PRKD2: variants seen among roughly 807,000 people sequenced by gnomAD.
PRKD2 encodes protein kinase D2, also known as serine/threonine-protein kinase D2.
PRKD2 carries 22 observed loss-of-function variants against 86.0 expected under a neutral mutation model. The observed-to-expected ratio is 0.26, with a 90% confidence interval of 0.18 to 0.37. The LOEUF (loss-of-function observed/expected upper bound fraction) is 0.37, where lower values mean the gene tolerates loss of function less well. Ranked by LOEUF, PRKD2 falls within the 10% of genes least tolerant of loss-of-function variation. The pLI, the probability that PRKD2 is intolerant of heterozygous loss-of-function variation, is 1.00. For synonymous variants in PRKD2, 509 were observed against 510.9 expected, an observed-to-expected ratio of 1.00 and a Z score of 0.05; for missense variants, 818 against 1,199.2, an observed-to-expected ratio of 0.68 and a Z score of 4.70.
At chr19:46,709,023 C>T (rs2053762889) in intron 3 of PRKD2, among the ~76,000 whole-genome samples, 1 of 140,348 alleles carries the variant, frequency 7.1e-6, no homozygotes, top group Non-Finnish European at 1.5e-5. Context: ...TGTTGCCAGG[C>T]TGGAGTGCAG....
In PRKD2 at chr19:46,685,012, G is replaced by A. The variant is rs192641821; in HGVS notation, c.1972-3264C>T. On this transcript the variant is annotated intron_variant, in intron 14 of 17. Coordinates refer to ENST00000291281, the MANE Select transcript of PRKD2 (RefSeq NM_016457.5). ...ATGGTGGCTCACGCCTGTAATCCCA[G>A]CATTTTGGGAGGCTGAGGCGGGTGG... 3.5e-3 allele frequency among the ~76,000 whole-genome samples: 523 copies of A among 150,028 alleles called. 1 individual carries two copies. The highest frequency in any genetic ancestry group is 0.012 in the African/African-American group (503 of 40,766).
At position 46,681,646 on chromosome 19, in the gene PRKD2, T is replaced by G; in HGVS notation, c.2070+4A>C. The G allele has an allele frequency of 7.7e-7, 1 of 1,294,000 alleles. No individual in the cohort carries two copies. The highest frequency in any genetic ancestry group is 1.0e-6 in the Non-Finnish European group (1 of 969,198). The allele number at this position is 1,294,000 out of a possible 1,614,324, so 80.2% of individuals were successfully genotyped here. On this transcript the variant is annotated splice_donor_region_variant and intron_variant, in intron 15 of 17. Transcript: ENST00000291281. ...TCCCCAAATCAGGAGGGGACATAAC[T>G]GACCTGAGGAAATGGGTCTGCTGAT...
At chr19:46,701,979 C>T (rs1046290744) in intron 5 of PRKD2, among the ~76,000 whole-genome samples, 1 of 150,644 alleles carries the variant, frequency 6.6e-6, no homozygotes, top group African/African-American at 2.4e-5. Context: ...CACTATACAT[C>T]GAAGATTCTA....
In PRKD2 at chr19:46,678,713, A is replaced by C. The variant is rs2053250617; in HGVS notation, c.2071-50T>G. Reference sequence around the variant, plus strand: ...TCCACCAGGTGATGGAGCCGCACCCACCCCAGCATCCCCACCACACCACCC... The same window carrying C: ...TCCACCAGGTGATGGAGCCGCACCCCCCCCAGCATCCCCACCACACCACCC... On this transcript the variant is annotated intron_variant, in intron 15 of 17. Coordinates refer to ENST00000291281, the MANE Select transcript of PRKD2 (RefSeq NM_016457.5). The surrounding 1 kb of genome is among the most constrained non-coding windows in gnomAD (Gnocchi z 5.7). The C allele has an allele frequency of 6.4e-7, 1 of 1,556,556 alleles. No individual in the cohort carries two copies. The highest frequency in any genetic ancestry group is 8.7e-7 in the Non-Finnish European group (1 of 1,152,506).
chr19:46,697,308 G>A, intron 8 of PRKD2, 74 bp from the exon 9 acceptor site: 1 of 1,175,566 alleles, frequency 8.5e-7, no homozygotes, highest in Non-Finnish European at 1.2e-6. Flanking sequence ...GAGCTGCTTG[G>A]GGCTCCAGGT....
chr19:46,693,810 T>G lies in PRKD2; in HGVS notation c.1576+65A>C. The G allele has an allele frequency of 6.6e-7, 1 of 1,512,888 alleles. No homozygotes were observed. Among genetic ancestry groups the G allele is most frequent in the Non-Finnish European group, 8.8e-7 (1 of 1,134,666 alleles). The allele number at this position is 1,512,888 out of a possible 1,614,324, so 93.7% of individuals were successfully genotyped here. A position where few individuals can be genotyped will look rare whatever the true frequency, so the allele number is the denominator to read the frequency against. ...CCACTTTCCTCTTTGGCCCTTCCAT[T>G]CCCCAGAACCGTGCCCCACCCATCT... On this transcript the variant is annotated intron_variant, in intron 10 of 17. Transcript: ENST00000291281. The surrounding 1 kb of genome is among the most constrained non-coding windows in gnomAD (Gnocchi z 4.5).
At chr19:46,700,445 C>A (rs2053619795) in intron 7 of PRKD2, among the ~76,000 whole-genome samples, 1 of 151,902 alleles carries the variant, frequency 6.6e-6, no homozygotes, top group African/African-American at 2.4e-5. Context: ...CCAGCCTGGG[C>A]AACATAGGGT....
At chr19:46,710,760 CT>C in intron 3 of PRKD2, 146 bp downstream of exon 3, 1 of 948,622 alleles carries the variant, frequency 1.1e-6, no homozygotes, top group South Asian at 1.8e-5. Context: ...TGGGCCCATC[CT>C]TCTTCCCATT....
rs758154627 is a variant in PRKD2 at position 46,675,133 on chromosome 19, G to A, written c.2339-15C>T. 2 of 1,602,820 alleles carry A rather than the reference G, an allele frequency of 1.2e-6. No homozygotes were observed. Among genetic ancestry groups the A allele is most frequent in the African/African-American group, 2.7e-5 (2 of 74,816 alleles). Reference sequence around the variant, plus strand: ...GAGGTCAATGGCTGCACAGGAAAGAGAAACAGGTCAAGCCCTACAGGTCAA... The same window carrying A: ...GAGGTCAATGGCTGCACAGGAAAGAAAAACAGGTCAAGCCCTACAGGTCAA... On this transcript the variant is annotated splice_polypyrimidine_tract_variant and intron_variant, in intron 16 of 17. Coordinates refer to ENST00000291281, the MANE Select transcript of PRKD2 (RefSeq NM_016457.5).
chr19:46,694,845 G>A (rs2053534201), intron 9 of PRKD2, among the ~76,000 whole-genome samples: 1 of 151,950 alleles, frequency 6.6e-6, no homozygotes, highest in Admixed American at 6.6e-5. Flanking sequence ...GGGAGGCCGA[G>A]GTGGGCAGAT....
At chr19:46,694,188 A>G in intron 9 of PRKD2, 55 bp from the exon 10 acceptor site, 2 of 1,591,220 alleles carry the variant, frequency 1.3e-6, no homozygotes, top group Non-Finnish European at 8.6e-7. Context: ...TTGGAATTCT[A>G]GTGCTTACCC....
chr19:46,697,421 T>G, intron 8 of PRKD2, 187 bp from the exon 9 acceptor site: 1 of 253,218 alleles, frequency 3.9e-6, no homozygotes, highest in Non-Finnish European at 6.6e-6. Context: ...GCCTTAACCC[T>G]AGCCCAGCCC....
At chr19:46,697,057 T>C (rs1395410482) in intron 9 of PRKD2, 100 bp downstream of exon 9, 3 of 998,022 alleles carry the variant, frequency 3.0e-6, no homozygotes, top group South Asian at 1.3e-5. Context: ...GAGGGTGTGA[T>C]TTGCAGGATC....
At chr19:46,694,456 G>T (rs899019435) in intron 9 of PRKD2, among the ~76,000 whole-genome samples, 11 of 152,092 alleles carry the variant, frequency 7.2e-5, no homozygotes, top group African/African-American at 2.4e-4. Context: ...TTAGCCAGGC[G>T]TGGTGGTGTG....
chr19:46,674,451 T>C lies in PRKD2; in HGVS notation c.*72A>G. On this transcript the variant is annotated 3_prime_UTR_variant, in exon 18 of 18. Coordinates refer to ENST00000291281, the MANE Select transcript of PRKD2 (RefSeq NM_016457.5). ...AGTTTGGGCAGGAAGCCACTTTCCCTAGAACAGTTCATTGCTGGGATCCTG... is the reference window on the plus strand; with the variant it reads ...AGTTTGGGCAGGAAGCCACTTTCCCCAGAACAGTTCATTGCTGGGATCCTG... The C allele has an allele frequency of 1.3e-6, 2 of 1,507,498 alleles. No individual in the cohort carries two copies. The highest frequency in any genetic ancestry group is 1.3e-5 in the South Asian group (1 of 77,802). 93.4% of individuals were successfully genotyped at this position (1,507,498 alleles called of 1,614,324 possible).
intron 3 of PRKD2, among the ~76,000 whole-genome samples, chr19:46,707,703 C>T (rs1439530043): frequency 1.3e-5 from 2 of 152,148 alleles, no homozygotes; most frequent in East Asian, 1.9e-4. Context: ...GGCAGAGCCC[C>T]GATTTCAACA....
intron 3 of PRKD2, 73 bp downstream of exon 3, chr19:46,710,834 G>C (rs999517042): frequency 6.2e-6 from 9 of 1,448,454 alleles, no homozygotes; most frequent in Non-Finnish European, 8.3e-6. Context: ...CTGTCCCCGT[G>C]CCAGGACCAT....
Position 46,710,910 on chromosome 19 carries a change from C to T in PRKD2, c.508G>A (p.Asp170Asn), listed in dbSNP as rs768543948. 1 of 1,444,226 alleles carries T rather than the reference C, an allele frequency of 6.9e-7. No individual in the cohort carries two copies. Among genetic ancestry groups the T allele is most frequent in the South Asian group, 1.2e-5 (1 of 84,054 alleles). The allele number at this position is 1,444,226 out of a possible 1,614,324, so 89.5% of individuals were successfully genotyped here. A position where few individuals can be genotyped will look rare whatever the true frequency, so the allele number is the denominator to read the frequency against. ...CCCCCAACCCTTTAGCTCTCACCAT[C>T]GCACTTGAGGCCCTGGCGCACTAGG... is the stretch of plus-strand genomic sequence containing the variant. ...FGLVRQGLKCDGCGLNYHKRC... is the reference protein window; with the variant it reads ...FGLVRQGLKCNGCGLNYHKRC... Residue 170 changes from aspartate to asparagine, a missense_variant, in exon 3 of 18, where the codon GAT (aspartate) becomes AAT (asparagine). Asp to Asn is a conservative substitution (Grantham distance 23). This residue lies in a region of PRKD2 where 403 missense variants were observed against 518.6 expected (regional missense o/e 0.78). Transcript: ENST00000291281.
chr19:46,688,442 ATTTTTT>A (rs923962731), intron 14 of PRKD2, among the ~76,000 whole-genome samples: 138 of 139,350 alleles, frequency 9.9e-4, no homozygotes, highest in African/African-American at 3.3e-3. Flanking sequence ...TATTATTATT[ATTTTTT>A]TTTTTGAGAC....
Sources: allele counts gnomAD v4.1 joint callset (sites outside exome capture counted in the v4.1 genomes callset), GRCh38; gene constraint gnomAD v4.1.1; regional missense constraint gnomAD v4.1.1; non-coding constraint Gnocchi (gnomAD v3.1); transcripts MANE v1.5; gene names NCBI Gene and HGNC (gene_info 2026-07-23, HGNC 2026-07-21).